SYCP1: variants seen among roughly 807,000 people sequenced by gnomAD.
The protein encoded by SYCP1 is synaptonemal complex protein 1.
In SYCP1, 64 loss-of-function variants were observed where a neutral mutation model predicts 153.1. That is an observed-to-expected ratio of 0.42 (90% confidence interval 0.34 to 0.51). The LOEUF (loss-of-function observed/expected upper bound fraction) is 0.51, where lower values mean the gene tolerates loss of function less well. Ranked by LOEUF, SYCP1 falls within the 20% of genes least tolerant of loss-of-function variation. The pLI, the probability that SYCP1 is intolerant of heterozygous loss-of-function variation, is 0.06. For missense variants in SYCP1, 997 were observed against 1,049.0 expected (o/e 0.95, Z 0.68); for synonymous variants, 384 against 341.8 (o/e 1.12, Z -1.36).
At chr1:114,886,398 A>G in intron 14 of SYCP1, 89 bp downstream of exon 14, 1 of 1,148,348 alleles carries the variant, frequency 8.7e-7, no homozygotes, top group Non-Finnish European at 1.2e-6. Context: ...TGCATTGCCA[A>G]CTGATGTGTG....
At chr1:114,916,319 A>G (rs1240484357) in intron 20 of SYCP1, among the ~76,000 whole-genome samples, 2 of 152,088 alleles carry the variant, frequency 1.3e-5, no homozygotes, top group Non-Finnish European at 2.9e-5. Flanking sequence ...ATACTAGTAA[A>G]CATGTTGGCA....
intron 28 of SYCP1, among the ~76,000 whole-genome samples, chr1:114,979,580 G>A (rs1673021638): frequency 6.6e-6 from 1 of 151,744 alleles, no homozygotes; most frequent in Non-Finnish European, 1.5e-5. Flanking sequence ...CGGTTCCAAA[G>A]TTTACCCCTG....
chr1:114,957,883 CA>C (rs751221257), intron 27 of SYCP1, among the ~76,000 whole-genome samples: 6 of 151,938 alleles, frequency 3.9e-5, no homozygotes, highest in Non-Finnish European at 7.4e-5. Context: ...AGAGGTTCCT[CA>C]AAAAACTAAA....
intron 30 of SYCP1, among the ~76,000 whole-genome samples, chr1:114,988,229 G>C (rs918353101): frequency 1.3e-5 from 2 of 151,662 alleles, no homozygotes; most frequent in African/African-American, 2.4e-5. Context: ...GGTAGACAGA[G>C]AGAGAAAAAG....
intron 23 of SYCP1, 89 bp downstream of exon 23, chr1:114,926,652 T>C: frequency 9.0e-7 from 1 of 1,116,310 alleles, no homozygotes; most frequent in Non-Finnish European, 1.3e-6. Flanking sequence ...ACAGTATAAA[T>C]TCAATTTATA....
chr1:114,920,423 C>T (rs1223344509), intron 20 of SYCP1, among the ~76,000 whole-genome samples: 1 of 151,976 alleles, frequency 6.6e-6, no homozygotes, highest in South Asian at 2.1e-4. Context: ...TGAGAATGTT[C>T]CATGTGCTTA....
rs375983428 is a variant in SYCP1, at chr1:114,864,391, G to A, written c.598+3582G>A. Among the ~76,000 whole-genome samples the A allele has an allele frequency of 1.5e-4, 23 of 152,126 alleles. No individual in the cohort carries two copies. The East Asian group carries it at 4.1e-3, about 27-fold the overall frequency. ...ATGAGAGCCTGTTCAATCTTTTCAGGTCACAATAATGAGGCCACTGTTCTG... is the reference window on the plus strand; with the variant it reads ...ATGAGAGCCTGTTCAATCTTTTCAGATCACAATAATGAGGCCACTGTTCTG... On this transcript the variant is annotated intron_variant, in intron 8 of 31. Transcript: ENST00000369522.
chr1:114,977,594 C>T lies in SYCP1; in HGVS notation c.2360C>T (p.Thr787Ile). The change falls in exon 28 of 32, where the codon ACT becomes ATT. Residue 787 changes from threonine (T) to isoleucine (I), a missense_variant. Physicochemically the swap from Thr to Ile is moderately conservative, Grantham distance 89 (BLOSUM62 -1). Coordinates refer to ENST00000369522, the MANE Select transcript of SYCP1 (RefSeq NM_003176.4). ...AGAGAGGCAAAAGAAAACACAGCTA[C>T]TCTTAAAGAAAAAAAAGACAAGGTA... ...LKREAKENTA[T>I]LKEKKDKKTQ... is the part of the protein sequence containing the mutation. The T allele has an allele frequency of 1.3e-6, 2 of 1,503,614 alleles. No homozygotes were observed. The highest frequency in any genetic ancestry group is 2.6e-5 in the South Asian group (2 of 76,108). 93.1% of individuals were successfully genotyped at this position (1,503,614 alleles called of 1,614,324 possible). A position where few individuals can be genotyped will look rare whatever the true frequency, so the allele number is the denominator to read the frequency against.
chr1:114,885,534 G>T lies in SYCP1; in HGVS notation c.911-1G>T. The T allele has an allele frequency of 6.6e-7, 1 of 1,523,790 alleles. No individual in the cohort carries two copies. The highest frequency in any genetic ancestry group is 1.2e-5 in the South Asian group (1 of 84,860). The allele number at this position is 1,523,790 out of a possible 1,614,324, so 94.4% of individuals were successfully genotyped here. A position where few individuals can be genotyped will look rare whatever the true frequency, so the allele number is the denominator to read the frequency against. ...TATCTATTTATAACTTTCTCTTTTA[G>T]AATTACAGAGTGAAAACTTAAAACA... On this transcript the variant is annotated splice_acceptor_variant, in intron 12 of 31. Transcript: ENST00000369522. LOFTEE classifies it high-confidence loss of function.
chr1:114,912,613 A>G (rs866710184), intron 18 of SYCP1, among the ~76,000 whole-genome samples: 7 of 152,098 alleles, frequency 4.6e-5, no homozygotes, highest in Middle Eastern at 3.4e-3. Flanking sequence ...GCAGGTAAAA[A>G]TATCTTAATT....
At chr1:114,910,927 C>T (rs2101670219) in intron 17 of SYCP1, among the ~76,000 whole-genome samples, 1 of 152,108 alleles carries the variant, frequency 6.6e-6, no homozygotes, top group South Asian at 2.1e-4. Context: ...CATGCCTAGC[C>T]AAGTATTTCT....
chr1:114,881,471 A>C (rs944580599), intron 12 of SYCP1, among the ~76,000 whole-genome samples: 1 of 146,870 alleles, frequency 6.8e-6, no homozygotes. Flanking sequence ...CATTATTTCT[A>C]GACATTTCTT....
intron 8 of SYCP1, among the ~76,000 whole-genome samples, chr1:114,873,508 G>A (rs1665308743): frequency 6.6e-6 from 1 of 152,204 alleles, no homozygotes; most frequent in South Asian, 2.1e-4. Flanking sequence ...GAAGGCTAGA[G>A]CTGTCTGGAA....
intron 20 of SYCP1, among the ~76,000 whole-genome samples, chr1:114,914,769 T>C (rs942157963): frequency 4.6e-5 from 7 of 152,206 alleles, no homozygotes; most frequent in African/African-American, 1.7e-4. Context: ...CCAGATACTT[T>C]TCTGGAGGAA....
chr1:114,914,631 G>A (rs1020798213), intron 20 of SYCP1, among the ~76,000 whole-genome samples: 2 of 152,158 alleles, frequency 1.3e-5, no homozygotes, highest in African/African-American at 4.8e-5. Context: ...CAGATATGCA[G>A]AGGCAAAAGG....
intron 16 of SYCP1, among the ~76,000 whole-genome samples, chr1:114,906,943 AT>A (rs1439453797): frequency 6.6e-6 from 1 of 152,064 alleles, no homozygotes; most frequent in Non-Finnish European, 1.5e-5. Flanking sequence ...AACTAGTAGG[AT>A]TTTGGAATTG....
intron 12 of SYCP1, among the ~76,000 whole-genome samples, chr1:114,881,428 G>A (rs1203167683): frequency 6.6e-6 from 1 of 152,078 alleles, no homozygotes; most frequent in Non-Finnish European, 1.5e-5. Flanking sequence ...GGATATGTTT[G>A]CATGATATGT....
intron 23 of SYCP1, among the ~76,000 whole-genome samples, chr1:114,930,184 A>C (rs1669533339): frequency 6.6e-6 from 1 of 152,048 alleles, no homozygotes; most frequent in African/African-American, 2.4e-5. Flanking sequence ...GTAAGGTACA[A>C]ATAAAGGAGC....
intron 27 of SYCP1, among the ~76,000 whole-genome samples, chr1:114,964,639 TC>T (rs1671992211): frequency 6.6e-6 from 1 of 152,206 alleles, no homozygotes; most frequent in African/African-American, 2.4e-5. Flanking sequence ...GGGAATCCTT[TC>T]CCCATTTCTT....
Sources: allele counts gnomAD v4.1 joint callset (sites outside exome capture counted in the v4.1 genomes callset), GRCh38; gene constraint gnomAD v4.1.1; transcripts MANE v1.5; gene names NCBI Gene and HGNC (gene_info 2026-07-23, HGNC 2026-07-21).